The following OSBPL1A variants were observed in gnomAD, a reference collection of about 807,000 sequenced individuals.
OSBPL1A encodes oxysterol-binding protein-related protein 1.
A neutral mutation model predicts 137.1 loss-of-function variants in OSBPL1A; 80 were observed. The ratio of observed to expected loss-of-function variants is 0.58; its 90% confidence interval spans 0.49 to 0.70. OSBPL1A has a LOEUF of 0.70. Among genes scored for constraint, OSBPL1A ranks in the 30% least tolerant of loss-of-function variants. The probability of loss-of-function intolerance (pLI) is 0.00; values close to 1 mark genes in which losing one functional copy is unlikely to be tolerated. For synonymous variants in OSBPL1A, 365 were observed against 389.7 expected, an observed-to-expected ratio of 0.94 and a Z score of 0.75; for missense variants, 970 against 1,129.4, an observed-to-expected ratio of 0.86 and a Z score of 2.02.
intron 27 of OSBPL1A, among the ~76,000 whole-genome samples, chr18:24,163,739 T>A (rs562296059): frequency 4.9e-4 from 75 of 152,152 alleles, no homozygotes; most frequent in Non-Finnish European, 9.3e-4. Context: ...CTCCTTTTTT[T>A]TTTTTTCTTT....
intron 1 of OSBPL1A, among the ~76,000 whole-genome samples, chr18:24,396,151 A>G (rs1258190053): frequency 6.6e-6 from 1 of 151,386 alleles, no homozygotes; most frequent in African/African-American, 2.4e-5. Context: ...CCCGGGAGGC[A>G]GAGGTTGCAG....
chr18:24,382,142 T>A lies in OSBPL1A; in HGVS notation c.-2-4607A>T, dbSNP rs572800167. On this transcript the variant is annotated intron_variant, in intron 1 of 27. Transcript: ENST00000319481. The stretch of plus-strand genomic sequence containing the variant: ...GAGGCTGGGCGCAGTGGCTCATGCC[T>A]GTAATCCCAGCACTTTGGGAGGCCA... Among the ~76,000 whole-genome samples, 3 of 151,134 alleles carry A rather than the reference T, an allele frequency of 2.0e-5. No individual in the cohort carries two copies. In the East Asian group the frequency reaches 5.9e-4, roughly 30 times the overall value.
chr18:24,177,741 ACT>A (rs2086486915), intron 21 of OSBPL1A, among the ~76,000 whole-genome samples: 1 of 152,206 alleles, frequency 6.6e-6, no homozygotes, highest in African/African-American at 2.4e-5. Flanking sequence ...TTTCATAAGA[ACT>A]GTCATGAAGC....
At chr18:24,283,281 A>AATATATATATATATAT (rs869287828) in intron 14 of OSBPL1A, among the ~76,000 whole-genome samples, 1 of 78,376 alleles carries the variant, frequency 1.3e-5, no homozygotes, top group African/African-American at 5.3e-5. Flanking sequence ...AAAAAAAAAA[A>AATATATATATATATAT]ATATATATAT....
At chr18:24,175,125 T>TATATATATATATAC (rs2086407866) in intron 21 of OSBPL1A, among the ~76,000 whole-genome samples, 1 of 130,940 alleles carries the variant, frequency 7.6e-6, no homozygotes, top group Non-Finnish European at 1.6e-5. Context: ...TATATATATA[T>TATATATATATATAC]ATATATATAT....
chr18:24,180,139 T>A (rs1386991378), intron 19 of OSBPL1A, among the ~76,000 whole-genome samples: 1 of 152,210 alleles, frequency 6.6e-6, no homozygotes, highest in East Asian at 1.9e-4. Flanking sequence ...TTAATTCATT[T>A]AAAAATTTTT....
At chr18:24,363,165 G>T (rs1305306495) in intron 4 of OSBPL1A, among the ~76,000 whole-genome samples, 1 of 152,318 alleles carries the variant, frequency 6.6e-6, no homozygotes, top group East Asian at 1.9e-4. Flanking sequence ...TATAACAAAT[G>T]ACCACAAACT....
At chr18:24,343,127 C>A (rs1053243185) in intron 4 of OSBPL1A, among the ~76,000 whole-genome samples, 1 of 151,926 alleles carries the variant, frequency 6.6e-6, no homozygotes, top group Non-Finnish European at 1.5e-5. Flanking sequence ...AGAACATTTA[C>A]ACCTCAATAA....
chr18:24,394,560 T>C (rs1282230631), intron 1 of OSBPL1A, among the ~76,000 whole-genome samples: 1 of 152,158 alleles, frequency 6.6e-6, no homozygotes, highest in Non-Finnish European at 1.5e-5. Flanking sequence ...TCAAGTTTAG[T>C]AATAAAAATC....
At chr18:24,173,691 G>C (rs2086354010) in intron 21 of OSBPL1A, among the ~76,000 whole-genome samples, 1 of 152,222 alleles carries the variant, frequency 6.6e-6, no homozygotes, top group African/African-American at 2.4e-5. Context: ...GGGATTACAG[G>C]CGTGAGCCAC....
chr18:24,227,846 C>T lies in OSBPL1A; in HGVS notation c.1445-2648G>A, dbSNP rs55692276. 9.7e-3 allele frequency among the ~76,000 whole-genome samples: 1,476 copies of T among 152,082 alleles called. 22 individuals carry two copies. Among genetic ancestry groups the T allele is most frequent in the African/African-American group, 0.033 (1,371 of 41,452 alleles). Reference sequence around the variant, plus strand: ...GTCTGTACTGGTATTATTTAAGACACAGTATTAGTTTATGATTTAGAAGTC... The same window carrying T: ...GTCTGTACTGGTATTATTTAAGACATAGTATTAGTTTATGATTTAGAAGTC... On this transcript the variant is annotated intron_variant, in intron 16 of 27. Coordinates refer to ENST00000319481, the MANE Select transcript of OSBPL1A (RefSeq NM_080597.4).
chr18:24,172,543 A>G (rs2145911928), intron 21 of OSBPL1A, 60 bp from the exon 22 acceptor site: 1 of 1,211,260 alleles, frequency 8.3e-7, no homozygotes, highest in South Asian at 1.2e-5. Context: ...TTTAAAAAGT[A>G]CACTTGTTCC....
chr18:24,228,114 A>C (rs1302137015), intron 16 of OSBPL1A, among the ~76,000 whole-genome samples: 14 of 152,102 alleles, frequency 9.2e-5, no homozygotes, highest in Non-Finnish European at 1.9e-4. Flanking sequence ...CCACAAACTC[A>C]TCAGTCACAC....
intron 4 of OSBPL1A, among the ~76,000 whole-genome samples, chr18:24,356,513 G>A (rs548051923): frequency 1.3e-4 from 20 of 152,194 alleles, no homozygotes; most frequent in Middle Eastern, 3.4e-3. Flanking sequence ...GATAAATGGC[G>A]CCCTGGCTGA....
intron 11 of OSBPL1A, among the ~76,000 whole-genome samples, chr18:24,314,926 C>G (rs980755449): frequency 2.6e-5 from 4 of 152,150 alleles, no homozygotes; most frequent in Non-Finnish European, 5.9e-5. Context: ...CTCCCACAAG[C>G]TTAGCGTTCC....
At chr18:24,192,207 C>T (rs1003544553) in intron 18 of OSBPL1A, among the ~76,000 whole-genome samples, 1 of 152,124 alleles carries the variant, frequency 6.6e-6, no homozygotes, top group Non-Finnish European at 1.5e-5. Context: ...TTGCCTAAGT[C>T]ACTGAGCATG....
At chr18:24,346,550 A>G (rs564880114) in intron 4 of OSBPL1A, among the ~76,000 whole-genome samples, 60 of 152,298 alleles carry the variant, frequency 3.9e-4, no homozygotes, top group South Asian at 2.3e-3. Context: ...ACATTTCTAT[A>G]AATAAATCAA....
rs1555647890 is a variant in OSBPL1A at position 24,303,725 on chromosome 18, A to C, written c.1093-7T>G. 6.2e-7 allele frequency: 1 copy of C among 1,609,728 alleles called. No homozygotes were observed. Among genetic ancestry groups the C allele is most frequent in the African/African-American group, 1.3e-5 (1 of 74,856 alleles). ...GTTGGCATGACTGTGCTTTCTGCAAAAAAAGAAAAGACAAAATTAAAACAA... is the reference window on the plus strand; with the variant it reads ...GTTGGCATGACTGTGCTTTCTGCAACAAAAGAAAAGACAAAATTAAAACAA... On this transcript the variant is annotated splice_polypyrimidine_tract_variant and splice_region_variant and intron_variant, in intron 13 of 27. Coordinates refer to ENST00000319481, the MANE Select transcript of OSBPL1A (RefSeq NM_080597.4).
At chr18:24,264,088 G>A (rs1276805126) in intron 15 of OSBPL1A, among the ~76,000 whole-genome samples, 1 of 152,192 alleles carries the variant, frequency 6.6e-6, no homozygotes, top group Admixed American at 6.5e-5. Context: ...CAAACTGTAA[G>A]ACTATGAAAT....
Sources: gnomAD v4.1 joint callset for allele counts (sites outside exome capture counted in the v4.1 genomes callset) on GRCh38, gnomAD v4.1.1 for gene constraint, MANE v1.5 for transcripts, NCBI Gene and HGNC (gene_info 2026-07-23, HGNC 2026-07-21) for gene names.